The following SLIT3 variants were observed in gnomAD, a reference collection of about 807,000 sequenced individuals.
SLIT3 encodes slit homolog 3 protein.
SLIT3 carries 68 observed loss-of-function variants against 184.0 expected under a neutral mutation model. The ratio of observed to expected loss-of-function variants is 0.37; its 90% CI spans 0.30 to 0.45. The LOEUF (loss-of-function observed/expected upper bound fraction) is 0.45. SLIT3 is among the 20% of genes least tolerant of loss of function. The probability of loss-of-function intolerance (pLI) is 1.00; values close to 1 mark genes in which losing one functional copy is unlikely to be tolerated. For missense variants in SLIT3, 1,707 were observed against 2,026.0 expected (o/e 0.84, Z 3.02); for synonymous variants, 831 against 828.6 (o/e 1.00, Z -0.05).
intron 4 of SLIT3, among the ~76,000 whole-genome samples, chr5:169,129,363 C>A (rs77387650): frequency 0.051 from 7,691 of 152,080 alleles, 783 homozygotes; most frequent in East Asian, 0.39. Flanking sequence ...ACCAGCCTGG[C>A]CAACATGGTG....
intron 4 of SLIT3, among the ~76,000 whole-genome samples, chr5:169,041,242 C>T (rs1194120264): frequency 2.0e-5 from 3 of 152,174 alleles, no homozygotes; most frequent in Non-Finnish European, 4.4e-5. Flanking sequence ...ATCATTTATT[C>T]GACAAACATA....
At chr5:169,186,401 C>T (rs1763337020) in intron 4 of SLIT3, among the ~76,000 whole-genome samples, 1 of 152,192 alleles carries the variant, frequency 6.6e-6, no homozygotes, top group South Asian at 2.1e-4. Flanking sequence ...TCTTGGACTT[C>T]TATCCTCCAG....
chr5:168,785,888 T>A lies in SLIT3; in HGVS notation c.1151+19A>T. On this transcript the variant is annotated intron_variant, in intron 12 of 35. Coordinates refer to ENST00000519560, the MANE Select transcript of SLIT3 (RefSeq NM_003062.4). ...CCGACAGTACCAAAGACACCAACAG[T>A]GACAAAGTTCCTACTCACAGCAGCT... 1 of 1,592,918 alleles carries A rather than the reference T, an allele frequency of 6.3e-7. No individual in the cohort carries two copies. The highest frequency in any genetic ancestry group is 8.6e-7 in the Non-Finnish European group (1 of 1,161,152).
intron 3 of SLIT3, among the ~76,000 whole-genome samples, chr5:169,209,137 C>T (rs926810736): frequency 3.3e-4 from 50 of 152,104 alleles, no homozygotes; most frequent in African/African-American, 9.6e-4. Context: ...AAAAAGTAGG[C>T]GAAGGATATG....
At chr5:169,263,755 C>T (rs1766293311) in intron 1 of SLIT3, 17 of 489,908 alleles carry the variant, frequency 3.5e-5, no homozygotes, top group South Asian at 2.3e-4. Flanking sequence ...CTTCCCTGAA[C>T]TTCTGAACTT....
At chr5:169,120,917 C>A (rs1049679236) in intron 4 of SLIT3, among the ~76,000 whole-genome samples, 2 of 152,100 alleles carry the variant, frequency 1.3e-5, no homozygotes, top group Admixed American at 1.3e-4. Context: ...GATGCCAGAC[C>A]CTTTCTTATA....
chr5:169,182,269 C>A (rs1405986271), intron 4 of SLIT3, among the ~76,000 whole-genome samples: 1 of 152,166 alleles, frequency 6.6e-6, no homozygotes, highest in East Asian at 1.9e-4. Context: ...TCCAGCTCAC[C>A]AAATTTAGGC....
chr5:169,106,899 G>A (rs939905232), intron 4 of SLIT3, among the ~76,000 whole-genome samples: 4 of 152,224 alleles, frequency 2.6e-5, no homozygotes, highest in African/African-American at 9.6e-5. Flanking sequence ...GTACCCTGTA[G>A]AATCTTTAGC....
chr5:169,292,542 G>GCAATATATT (rs1767391642), intron 1 of SLIT3, among the ~76,000 whole-genome samples: 1 of 152,094 alleles, frequency 6.6e-6, no homozygotes, highest in African/African-American at 2.4e-5. Context: ...AAAGAACGGG[G>GCAATATATT]CAATATATTT....
At chr5:168,842,911 C>T (rs1009291912) in intron 6 of SLIT3, among the ~76,000 whole-genome samples, 6 of 152,168 alleles carry the variant, frequency 3.9e-5, no homozygotes, top group African/African-American at 1.4e-4. Context: ...CTGTGAGCAG[C>T]CCTTTCTACA....
intron 5 of SLIT3, among the ~76,000 whole-genome samples, chr5:168,854,624 A>AT (rs1758792274): frequency 6.6e-6 from 1 of 152,188 alleles, no homozygotes; most frequent in Admixed American, 6.5e-5. Context: ...CTCCGGAGAA[A>AT]TGGTTCTCTT....
At chr5:169,220,242 G>A (rs555865316) in intron 3 of SLIT3, among the ~76,000 whole-genome samples, 94 of 151,098 alleles carry the variant, frequency 6.2e-4, no homozygotes, top group Non-Finnish European at 1.1e-3. Context: ...CTCAGGCAGA[G>A]AGAAGATACT....
intron 4 of SLIT3, among the ~76,000 whole-genome samples, chr5:169,101,797 C>T (rs1760028734): frequency 6.6e-6 from 1 of 152,192 alleles, no homozygotes; most frequent in African/African-American, 2.4e-5. Context: ...AGGGCCTTTG[C>T]ACATGTTATT....
intron 4 of SLIT3, among the ~76,000 whole-genome samples, chr5:169,046,135 C>G (rs1300824117): frequency 6.6e-6 from 1 of 152,100 alleles, no homozygotes; most frequent in Non-Finnish European, 1.5e-5. Context: ...TCCCTACCCC[C>G]CAAAAGGTGC....
chr5:168,910,926 A>G (rs1430038366), intron 4 of SLIT3, among the ~76,000 whole-genome samples: 1 of 152,168 alleles, frequency 6.6e-6, no homozygotes, highest in East Asian at 1.9e-4. Flanking sequence ...TGAGATTGGC[A>G]TGGAAATCAC....
chr5:169,161,888 T>C (rs1423345824), intron 4 of SLIT3, among the ~76,000 whole-genome samples: 3 of 152,174 alleles, frequency 2.0e-5, no homozygotes, highest in Admixed American at 2.0e-4. Flanking sequence ...TCTCTGGGCT[T>C]CAGTATCCTT....
chr5:169,054,344 C>T (rs1470157699), intron 4 of SLIT3, among the ~76,000 whole-genome samples: 1 of 151,944 alleles, frequency 6.6e-6, no homozygotes, highest in African/African-American at 2.4e-5. Context: ...AGATCCTTCC[C>T]TAGAGGCTTT....
Position 168,685,907 on chromosome 5 carries a change from G to A in SLIT3, c.3335C>T (p.Pro1112Leu). ...GGTCTGCAGTAGGACCATGGGTGGG[G>A]GGTGTTCACAGAAGGGTCCACTGGA... Reference protein sequence around the residue: ...QGFSGPFCEHPPPMVLLQTSP... With the variant: ...QGFSGPFCEHLPPMVLLQTSP... The change falls in exon 31 of 36, where the codon CCC (proline) becomes CTC (leucine). Residue 1112 changes from proline (P) to leucine (L), a missense_variant. Physicochemically the swap from Pro to Leu is moderately conservative, Grantham distance 98 (BLOSUM62 -3). This residue lies in a region of SLIT3 where 1,307 missense variants were observed against 1,511.6 expected (regional missense o/e 0.86). Coordinates refer to ENST00000519560, the MANE Select transcript of SLIT3 (RefSeq NM_003062.4). The A allele has an allele frequency of 6.2e-7, 1 of 1,612,538 alleles. No homozygotes were observed. Among genetic ancestry groups the A allele is most frequent in the Non-Finnish European group, 8.5e-7 (1 of 1,179,458 alleles).
intron 10 of SLIT3, among the ~76,000 whole-genome samples, chr5:168,794,437 G>A (rs1019496368): frequency 1.3e-5 from 2 of 152,190 alleles, no homozygotes; most frequent in Admixed American, 6.5e-5. Context: ...ACAGAGCAGT[G>A]CTCAAGGTCG....
Sources: allele counts gnomAD v4.1 joint callset (sites outside exome capture counted in the v4.1 genomes callset), GRCh38; gene constraint gnomAD v4.1.1; regional missense constraint gnomAD v4.1.1; transcripts MANE v1.5; gene names NCBI Gene and HGNC (gene_info 2026-07-23, HGNC 2026-07-21).